UQCC1: variants seen among roughly 807,000 people sequenced by gnomAD.
UQCC1 encodes the protein ubiquinol-cytochrome c reductase complex assembly factor 1, also known as bFGF-repressed Zic-binding protein.
A neutral mutation model predicts 48.0 loss-of-function variants in UQCC1; 38 were observed. The ratio of observed to expected loss-of-function variants is 0.79; its 90% CI spans 0.61 to 1.04. UQCC1 has a LOEUF of 1.04. UQCC1 is among the 50% of genes least tolerant of loss of function. The pLI, the probability that UQCC1 is intolerant of heterozygous loss-of-function variation, is 0.00. For missense variants in UQCC1, 368 were observed against 381.8 expected, an observed-to-expected ratio of 0.96 and a Z score of 0.30; for synonymous variants, 111 against 129.2, an observed-to-expected ratio of 0.86 and a Z score of 0.95.
chr20:35,395,441 G>A (rs568785559), intron 1 of UQCC1, among the ~76,000 whole-genome samples: 3 of 150,816 alleles, frequency 2.0e-5, no homozygotes, highest in South Asian at 2.1e-4. Context: ...GCAACAAAGC[G>A]AGACCCCCAG....
At chr20:35,404,381 A>C (rs1406600116) in intron 1 of UQCC1, among the ~76,000 whole-genome samples, 6 of 151,004 alleles carry the variant, frequency 4.0e-5, no homozygotes, top group Non-Finnish European at 5.9e-5. Flanking sequence ...AAAAAAAAAA[A>C]AAAACAAAAT....
At chr20:35,353,832 T>C (rs976177134) in intron 6 of UQCC1, among the ~76,000 whole-genome samples, 2 of 152,130 alleles carry the variant, frequency 1.3e-5, no homozygotes, top group Non-Finnish European at 2.9e-5. Context: ...ACAGTGTTTA[T>C]AAAGTCTACA....
chr20:35,406,434 G>A (rs1417850030), intron 1 of UQCC1, among the ~76,000 whole-genome samples: 1 of 152,156 alleles, frequency 6.6e-6, no homozygotes, highest in Non-Finnish European at 1.5e-5. Flanking sequence ...GCAGCCAGAA[G>A]GCAGTGGGAT....
intron 7 of UQCC1, among the ~76,000 whole-genome samples, chr20:35,325,196 A>T (rs915251555): frequency 1.3e-5 from 2 of 152,252 alleles, no homozygotes; most frequent in African/African-American, 4.8e-5. Context: ...GGAGGAAGAA[A>T]GGGAAAATTA....
Position 35,303,637 on chromosome 20 carries a change from A to G in UQCC1, c.*298T>C, listed in dbSNP as rs986698046. ...TCCTTGGCCTTTGGGAAAAGCTATC[A>G]GTCACATGTAGTTGCTGGAGGGGGT... On this transcript the variant is annotated 3_prime_UTR_variant, in exon 10 of 10. Transcript: ENST00000374385. 5.5e-6 allele frequency: 2 copies of G among 363,024 alleles called. No individual in the cohort carries two copies. The highest frequency in any genetic ancestry group is 1.0e-5 in the Non-Finnish European group (2 of 194,366). 22.5% of individuals were successfully genotyped at this position (363,024 alleles called of 1,614,324 possible).
At chr20:35,409,120 A>G (rs2062300227) in intron 1 of UQCC1, among the ~76,000 whole-genome samples, 1 of 152,202 alleles carries the variant, frequency 6.6e-6, no homozygotes, top group South Asian at 2.1e-4. Context: ...TAAGGGTGGT[A>G]AAGATGGCAC....
intron 1 of UQCC1, among the ~76,000 whole-genome samples, chr20:35,407,460 A>AAG: frequency 6.6e-6 from 1 of 152,002 alleles, no homozygotes; most frequent in East Asian, 1.9e-4. Flanking sequence ...AGAAAAAAAA[A>AAG]TAAGTTGGAC....
chr20:35,384,968 A>G (rs2061922137), intron 2 of UQCC1, among the ~76,000 whole-genome samples: 1 of 31,628 alleles, frequency 3.2e-5, no homozygotes, highest in African/African-American at 7.2e-5. Flanking sequence ...ATCGGTCTCA[A>G]AAAAAAAAAA....
chr20:35,338,892 A>AATATATATATATATATATAT (rs1555805505), intron 7 of UQCC1, among the ~76,000 whole-genome samples: 6 of 30,572 alleles, frequency 2.0e-4, no homozygotes, highest in African/African-American at 1.8e-3. Flanking sequence ...AAAAAAAAAA[A>AATATATATATATATATATAT]ATATATATAT....
chr20:35,333,732 C>T (rs932028987), intron 7 of UQCC1, among the ~76,000 whole-genome samples: 3 of 152,096 alleles, frequency 2.0e-5, no homozygotes, highest in Admixed American at 6.5e-5. Flanking sequence ...CATTTTTGTG[C>T]CAATATTTTA....
In UQCC1 at chr20:35,303,354, T is replaced by A. The variant is rs2060890711; in HGVS notation, c.*581A>T. ...GAGCAGCAGAGACCATCCCAGCCTC[T>A]TCCCTTTCTCCGTCTCTAACTGAGC... On this transcript the variant is annotated 3_prime_UTR_variant, in exon 10 of 10. Coordinates refer to ENST00000374385, the MANE Select transcript of UQCC1 (RefSeq NM_018244.5). 1 of 153,330 alleles carries A rather than the reference T, an allele frequency of 6.5e-6. No homozygotes were observed. The highest frequency in any genetic ancestry group is 2.4e-5 in the African/African-American group (1 of 41,466). The allele number at this position is 153,330 out of a possible 1,614,324, so 9.5% of individuals were successfully genotyped here.
At chr20:35,308,797 C>T (rs763269822) in intron 8 of UQCC1, among the ~76,000 whole-genome samples, 2 of 152,236 alleles carry the variant, frequency 1.3e-5, no homozygotes, top group Non-Finnish European at 2.9e-5. Flanking sequence ...TCAATGCAAC[C>T]TCTGCCTCCC....
chr20:35,379,643 T>C (rs576980389), intron 4 of UQCC1, among the ~76,000 whole-genome samples: 1 of 152,108 alleles, frequency 6.6e-6, no homozygotes, highest in African/African-American at 2.4e-5. Flanking sequence ...CCATCTCTAC[T>C]AAAAATACAA....
chr20:35,400,073 G>A (rs907279908), intron 1 of UQCC1, among the ~76,000 whole-genome samples: 10 of 151,356 alleles, frequency 6.6e-5, no homozygotes, highest in African/African-American at 1.9e-4. Context: ...CTAGAGCGGC[G>A]CGCTACCACG....
chr20:35,363,225 G>A (rs746181118), intron 6 of UQCC1, among the ~76,000 whole-genome samples: 40 of 152,140 alleles, frequency 2.6e-4, no homozygotes, highest in Non-Finnish European at 5.0e-4. Context: ...GAAGGGGTGA[G>A]AGAAGAGACA....
intron 6 of UQCC1, among the ~76,000 whole-genome samples, chr20:35,364,819 A>T (rs2061648382): frequency 6.6e-6 from 1 of 152,130 alleles, no homozygotes; most frequent in South Asian, 2.1e-4. Flanking sequence ...GGTCACAGGG[A>T]TTATATATTT....
rs2060895972 is a variant in UQCC1, at chr20:35,303,751, A to G, written c.*184T>C. The G allele has an allele frequency of 1.2e-6, 1 of 805,904 alleles. No individual in the cohort carries two copies. The highest frequency in any genetic ancestry group is 1.7e-5 in the African/African-American group (1 of 58,406). The allele number at this position is 805,904 out of a possible 1,614,324, so 49.9% of individuals were successfully genotyped here. ...GAGCTAGGGGTTCTCCCAGCCCTGT[A>G]CCCCAGCAGATCAGACTCCTGGGCA... is the stretch of plus-strand genomic sequence containing the variant. On this transcript the variant is annotated 3_prime_UTR_variant, in exon 10 of 10. Coordinates refer to ENST00000374385, the MANE Select transcript of UQCC1 (RefSeq NM_018244.5).
chr20:35,363,239 G>A (rs906722465), intron 6 of UQCC1, among the ~76,000 whole-genome samples: 6 of 152,108 alleles, frequency 3.9e-5, no homozygotes, highest in Admixed American at 2.0e-4. Context: ...AGAGACAAAT[G>A]AGGGCTCCCA....
At chr20:35,329,524 C>T (rs115116118) in intron 7 of UQCC1, among the ~76,000 whole-genome samples, 1,963 of 152,304 alleles carry the variant, frequency 0.013, 33 homozygotes, top group African/African-American at 0.045. Context: ...CTCCAACCAA[C>T]CCCACAGGGC....
Sources: allele counts gnomAD v4.1 joint callset (sites outside exome capture counted in the v4.1 genomes callset), GRCh38; gene constraint gnomAD v4.1.1; transcripts MANE v1.5; gene names NCBI Gene and HGNC (gene_info 2026-07-23, HGNC 2026-07-21).